PCDHGB7: variants seen among roughly 807,000 people sequenced by gnomAD.
PCDHGB7 encodes protocadherin gamma subfamily B, 7, also known as protocadherin gamma-B7.
A neutral mutation model predicts 61.4 loss-of-function variants in PCDHGB7; 37 were observed. The ratio of observed to expected loss-of-function variants is 0.60; its 90% CI spans 0.46 to 0.79. PCDHGB7 has a LOEUF of 0.79. Ranked by LOEUF, PCDHGB7 falls within the 30% of genes least tolerant of loss-of-function variation. The pLI is 0.00. For missense variants in PCDHGB7, 1,166 were observed against 1,202.5 expected (o/e 0.97, Z 0.45); for synonymous variants, 464 against 503.5 (o/e 0.92, Z 1.05).
chr5:141,443,417 T>C (rs1429905201), intron 1 of PCDHGB7, among the ~76,000 whole-genome samples: 3 of 152,132 alleles, frequency 2.0e-5, no homozygotes, highest in East Asian at 1.9e-4. Context: ...TCTGGGGAGA[T>C]TGAAGCTGCA....
Position 141,487,356 on chromosome 5 carries a change from C to A in PCDHGB7, c.2416-7451C>A. On this transcript the variant is annotated intron_variant, in intron 1 of 3. Coordinates refer to ENST00000398594, the MANE Select transcript of PCDHGB7 (RefSeq NM_018927.4). The surrounding 1 kb of genome is among the most constrained non-coding windows in gnomAD (Gnocchi z 5.0). ...GCCTGTGGAGTCACATGCTTTCCTG[C>A]TGGCACCTGTGCCTGTCTCACCAGA... 1 of 1,614,220 alleles carries A rather than the reference C, an allele frequency of 6.2e-7. No individual in the cohort carries two copies. The highest frequency in any genetic ancestry group is 8.5e-7 in the Non-Finnish European group (1 of 1,180,042).
chr5:141,420,789 C>G (rs1403213574), intron 1 of PCDHGB7, among the ~76,000 whole-genome samples: 2 of 152,198 alleles, frequency 1.3e-5, no homozygotes, highest in Non-Finnish European at 2.9e-5. Flanking sequence ...ATTTTGAAAA[C>G]TTTTTAAAAA....
At chr5:141,465,466 C>T (rs1280373152) in intron 1 of PCDHGB7, among the ~76,000 whole-genome samples, 1 of 152,156 alleles carries the variant, frequency 6.6e-6, no homozygotes, top group African/African-American at 2.4e-5. Flanking sequence ...ACCAAATTGC[C>T]CTTGCTTCAT....
At chr5:141,501,330 CACA>C (rs1301023208) in intron 2 of PCDHGB7, among the ~76,000 whole-genome samples, 82 of 151,502 alleles carry the variant, frequency 5.4e-4, no homozygotes, top group Admixed American at 2.2e-3. Flanking sequence ...CACACACACA[CACA>C]CCCCAAACTC....
At position 141,431,277 on chromosome 5, in the gene PCDHGB7, G is replaced by T; in HGVS notation, c.2415+11003G>T. 6.2e-7 allele frequency: 1 copy of T among 1,614,160 alleles called. No homozygotes were observed. The highest frequency in any genetic ancestry group is 1.3e-5 in the African/African-American group (1 of 75,062). On this transcript the variant is annotated intron_variant, in intron 1 of 3. Transcript: ENST00000398594. This position sits in a 1 kb window ranked among gnomAD's most constrained non-coding sequence, Gnocchi z 4.8. ...AACTCTCTGCAGAGCTACGAGCTCAGCCCGAACACTCACTTCTCCCTCATC... is the reference window on the plus strand; with the variant it reads ...AACTCTCTGCAGAGCTACGAGCTCATCCCGAACACTCACTTCTCCCTCATC...
At position 141,432,135 on chromosome 5, in the gene PCDHGB7, C is replaced by T; in HGVS notation, c.2415+11861C>T. On this transcript the variant is annotated intron_variant, in intron 1 of 3. Transcript: ENST00000398594. This position sits in a 1 kb window ranked among gnomAD's most constrained non-coding sequence, Gnocchi z 6.0. ...GTCTTCCCTCAGGCCTCCTATTCCGCTTATATCCCAGAGAACAATCCCAGA... is the reference window on the plus strand; with the variant it reads ...GTCTTCCCTCAGGCCTCCTATTCCGTTTATATCCCAGAGAACAATCCCAGA... The T allele has an allele frequency of 6.2e-7, 1 of 1,614,140 alleles. No homozygotes were observed. Among genetic ancestry groups the T allele is most frequent in the Non-Finnish European group, 8.5e-7 (1 of 1,180,026 alleles).
chr5:141,423,268 T>G (rs752667215), intron 1 of PCDHGB7: 1 of 1,613,552 alleles, frequency 6.2e-7, no homozygotes, highest in South Asian at 1.1e-5. Flanking sequence ...CAGCCTCGAG[T>G]CTCTGGCTAA....
At position 141,419,027 on chromosome 5, in the gene PCDHGB7, G is replaced by A. The variant is rs1415215066; in HGVS notation, c.1168G>A (p.Val390Ile). ...GEVRCSLSRG[V>I]PFKIHSSSNN... ...AGTCAGGTGTAGCTTAAGTAGAGGT[G>A]TTCCATTTAAGATTCATTCTTCTTC... Residue 390 changes from valine to isoleucine, a missense_variant, in exon 1 of 4, where the codon GTT (valine) becomes ATT (isoleucine). By Grantham distance (29) the Val-to-Ile change is conservative (BLOSUM62 3). Coordinates refer to ENST00000398594, the MANE Select transcript of PCDHGB7 (RefSeq NM_018927.4). The A allele has an allele frequency of 6.2e-7, 1 of 1,613,870 alleles. No individual in the cohort carries two copies. The highest frequency in any genetic ancestry group is 1.7e-5 in the Admixed American group (1 of 60,016).
chr5:141,437,444 G>A (rs957088733), intron 1 of PCDHGB7, among the ~76,000 whole-genome samples: 26 of 152,212 alleles, frequency 1.7e-4, no homozygotes, highest in Admixed American at 2.0e-4. Context: ...GCATAGGAAT[G>A]TTGAGGAGAC....
At position 141,486,266 on chromosome 5, in the gene PCDHGB7, C is replaced by A; in HGVS notation, c.2416-8541C>A. On this transcript the variant is annotated intron_variant, in intron 1 of 3. Coordinates refer to ENST00000398594, the MANE Select transcript of PCDHGB7 (RefSeq NM_018927.4). The surrounding 1 kb of genome is among the most constrained non-coding windows in gnomAD (Gnocchi z 5.0). ...TGGAACCCTCCCCGAGAGTGCAGAA[C>A]CTGGCACTGTGGTGGCACTTATCAG... The A allele has an allele frequency of 1.9e-6, 3 of 1,614,098 alleles. No homozygotes were observed. Among genetic ancestry groups the A allele is most frequent in the Admixed American group, 3.3e-5 (2 of 60,016 alleles).
intron 2 of PCDHGB7, among the ~76,000 whole-genome samples, chr5:141,495,430 C>A (rs1189953474): frequency 6.6e-6 from 1 of 152,220 alleles, no homozygotes; most frequent in Non-Finnish European, 1.5e-5. Context: ...TCCCACTGTC[C>A]TCTGCCCCTA....
chr5:141,427,711 A>G, intron 1 of PCDHGB7: 1 of 1,036,496 alleles, frequency 9.6e-7, no homozygotes. Context: ...AGCGCCTCTG[A>G]CCTGGACCTA....
rs752660538 is a variant in PCDHGB7 at position 141,486,495 on chromosome 5, T to C, written c.2416-8312T>C. 1 of 1,614,074 alleles carries C rather than the reference T, an allele frequency of 6.2e-7. No individual in the cohort carries two copies. The highest frequency in any genetic ancestry group is 8.5e-7 in the Non-Finnish European group (1 of 1,179,922). On this transcript the variant is annotated intron_variant, in intron 1 of 3. Transcript: ENST00000398594. The surrounding 1 kb of genome is among the most constrained non-coding windows in gnomAD (Gnocchi z 5.0). ...CCTCCTCTCAGTACCCACAGAACTA[T>C]TTTCCTCAATATTTCAGATGTGAAT...
At chr5:141,510,056 G>C (rs1450505898) in intron 3 of PCDHGB7, among the ~76,000 whole-genome samples, 2 of 152,174 alleles carry the variant, frequency 1.3e-5, no homozygotes. Flanking sequence ...AAGTGATTGT[G>C]CATGTGAAGC....
Position 141,485,400 on chromosome 5 carries a change from G to A in PCDHGB7, c.2416-9407G>A. On this transcript the variant is annotated intron_variant, in intron 1 of 3. Transcript: ENST00000398594. The surrounding 1 kb of genome is among the most constrained non-coding windows in gnomAD (Gnocchi z 5.7). ...GGAGAGGTGAACCAAAGACACTTCC[G>A]TGTGGATTTGGACAGCGGAGCCCTG... is the stretch of plus-strand genomic sequence containing the variant. The A allele has an allele frequency of 6.2e-7, 1 of 1,614,076 alleles. No homozygotes were observed. The highest frequency in any genetic ancestry group is 8.5e-7 in the Non-Finnish European group (1 of 1,179,948).
In PCDHGB7 at chr5:141,432,361, G is replaced by A; in HGVS notation, c.2415+12087G>A. 1 of 1,614,230 alleles carries A rather than the reference G, an allele frequency of 6.2e-7. No individual in the cohort carries two copies. Among genetic ancestry groups the A allele is most frequent in the Non-Finnish European group, 8.5e-7 (1 of 1,180,050 alleles). On this transcript the variant is annotated intron_variant, in intron 1 of 3. Coordinates refer to ENST00000398594, the MANE Select transcript of PCDHGB7 (RefSeq NM_018927.4). The surrounding 1 kb of genome is among the most constrained non-coding windows in gnomAD (Gnocchi z 6.0). Reference sequence around the variant, plus strand: ...GAGACTTGCAAGTGAAAGTGATGGCGCGGGACAACGGGCACCCGCCCCTCA... The same window carrying A: ...GAGACTTGCAAGTGAAAGTGATGGCACGGGACAACGGGCACCCGCCCCTCA...
In PCDHGB7 at chr5:141,418,442, G is replaced by C; in HGVS notation, c.583G>C (p.Val195Leu). 1 of 1,614,010 alleles carries C rather than the reference G, an allele frequency of 6.2e-7. No individual in the cohort carries two copies. Among genetic ancestry groups the C allele is most frequent in the Non-Finnish European group, 8.5e-7 (1 of 1,179,886 alleles). ...TGATGGTGGCAAATATCCAGAATTA[G>C]TATTGCAGAAGACTCTGGACCGAGA... ...NPDGGKYPEL[V>L]LQKTLDRETQ... The change falls in exon 1 of 4, where the codon GTA becomes CTA. Residue 195 changes from valine (V) to leucine (L), a missense_variant. Coordinates refer to ENST00000398594, the MANE Select transcript of PCDHGB7 (RefSeq NM_018927.4).
chr5:141,490,042 G>C lies in PCDHGB7; in HGVS notation c.2416-4765G>C. 1 of 1,614,266 alleles carries C rather than the reference G, an allele frequency of 6.2e-7. No individual in the cohort carries two copies. Among genetic ancestry groups the C allele is most frequent in the Non-Finnish European group, 8.5e-7 (1 of 1,180,038 alleles). The stretch of plus-strand genomic sequence containing the variant: ...TCTGCTGCTCCGCCTCAATGCCACT[G>C]ATCCAGACGAGGGCACCAACGGCCA... On this transcript the variant is annotated intron_variant, in intron 1 of 3. Coordinates refer to ENST00000398594, the MANE Select transcript of PCDHGB7 (RefSeq NM_018927.4). This position sits in a 1 kb window ranked among gnomAD's most constrained non-coding sequence, Gnocchi z 5.4.
chr5:141,497,804 T>G (rs1196976996), intron 2 of PCDHGB7, among the ~76,000 whole-genome samples: 1 of 152,186 alleles, frequency 6.6e-6, no homozygotes, highest in Non-Finnish European at 1.5e-5. Context: ...CTTCCCAAAG[T>G]GCTAGAATTA....
Sources: gnomAD v4.1 joint callset for allele counts (sites outside exome capture counted in the v4.1 genomes callset) on GRCh38, gnomAD v4.1.1 for gene constraint, Gnocchi (gnomAD v3.1) non-coding constraint, MANE v1.5 for transcripts, NCBI Gene and HGNC (gene_info 2026-07-23, HGNC 2026-07-21) for gene names.